CDKL4: variants seen among roughly 807,000 people sequenced by gnomAD.
The protein encoded by CDKL4 is cyclin-dependent kinase-like 4.
CDKL4 carries 44 observed loss-of-function variants against 42.0 expected under a neutral mutation model. The observed-to-expected ratio is 1.05, with a 90% CI of 0.82 to 1.35. The LOEUF (loss-of-function observed/expected upper bound fraction) is 1.35. CDKL4 is among the 40% of genes most tolerant of loss of function. The pLI, the probability that CDKL4 is intolerant of heterozygous loss-of-function variation, is 0.00. For missense variants in CDKL4, 393 were observed against 369.9 expected (o/e 1.06, Z -0.51); for synonymous variants, 120 against 121.6 (o/e 0.99, Z 0.09).
intron 4 of CDKL4, among the ~76,000 whole-genome samples, chr2:39,209,008 T>C (rs1441485179): frequency 1.3e-5 from 2 of 151,778 alleles, no homozygotes; most frequent in Non-Finnish European, 2.9e-5. Context: ...ATCTCAGAAG[T>C]CATTTTTGCC....
intron 1 of CDKL4, among the ~76,000 whole-genome samples, chr2:39,231,655 G>GTAT (rs1253415925): frequency 2.0e-5 from 3 of 148,778 alleles, no homozygotes; most frequent in Non-Finnish European, 2.9e-5. Flanking sequence ...TTTTACCTAT[G>GTAT]TATTATTATT....
intron 3 of CDKL4, among the ~76,000 whole-genome samples, chr2:39,213,774 T>G (rs532153666): frequency 1.3e-4 from 19 of 151,632 alleles, no homozygotes; most frequent in Admixed American, 7.2e-4. Flanking sequence ...AAAAGAAAAG[T>G]AAAGGAATAA....
At chr2:39,185,062 A>G (rs1026535711) in intron 7 of CDKL4, among the ~76,000 whole-genome samples, 2 of 148,962 alleles carry the variant, frequency 1.3e-5, no homozygotes, top group African/African-American at 4.9e-5. Context: ...AGTAATAACA[A>G]CACTTTAAAG....
intron 1 of CDKL4, among the ~76,000 whole-genome samples, chr2:39,238,038 C>A (rs905030284): frequency 6.6e-6 from 1 of 152,108 alleles, no homozygotes; most frequent in African/African-American, 2.4e-5. Context: ...TTACAAAATA[C>A]CATTGAAAGA....
In CDKL4 at chr2:39,212,090, A is replaced by T. The variant is rs547819965; in HGVS notation, c.363+1310T>A. Among the ~76,000 whole-genome samples, 4 of 152,314 alleles carry T rather than the reference A, an allele frequency of 2.6e-5. No individual in the cohort carries two copies. The South Asian group carries it at 8.3e-4, about 32-fold the overall frequency. On this transcript the variant is annotated intron_variant, in intron 4 of 9. Coordinates refer to ENST00000451199, the Ensembl canonical transcript of CDKL4. ...CAGTAGCATCTGGGAAAATATGAGA[A>T]ATGCACATTCTTGGGGCCCTACCCA... is the stretch of plus-strand genomic sequence containing the variant.
downstream of CDKL4, among the ~76,000 whole-genome samples, chr2:39,171,693 A>C (rs1675003372): frequency 6.6e-6 from 1 of 152,210 alleles, no homozygotes; most frequent in African/African-American, 2.4e-5. Flanking sequence ...AAAAGCAAAC[A>C]CACTAAAAAA....
Position 39,178,958 on chromosome 2 carries a change from C to T in CDKL4, c.927+229G>A, listed in dbSNP as rs909983204. On this transcript the variant is annotated intron_variant, in intron 9 of 9. Coordinates refer to ENST00000451199, the Ensembl canonical transcript of CDKL4. ...TCAGAGCAGCCAAAGAGTTGCGTAACGATTTGATTCAGGTGTGTTTGGAAT... is the reference window on the plus strand; with the variant it reads ...TCAGAGCAGCCAAAGAGTTGCGTAATGATTTGATTCAGGTGTGTTTGGAAT... 58 of 1,440,338 alleles carry T rather than the reference C, an allele frequency of 4.0e-5. No homozygotes were observed. In the South Asian group the frequency reaches 7.7e-4, roughly 19 times the overall value. The allele number at this position is 1,440,338 out of a possible 1,614,324, so 89.2% of individuals were successfully genotyped here. A position where few individuals can be genotyped will look rare whatever the true frequency, so the allele number is the denominator to read the frequency against.
At chr2:39,191,278 C>T (rs1227054670) in intron 5 of CDKL4, among the ~76,000 whole-genome samples, 1 of 152,040 alleles carries the variant, frequency 6.6e-6, no homozygotes, top group Non-Finnish European at 1.5e-5. Context: ...ACATGCTTGT[C>T]GTCCTAGCTA....
chr2:39,213,314 C>T (rs1677697383), intron 4 of CDKL4, 86 bp downstream of exon 4: 1 of 892,008 alleles, frequency 1.1e-6, no homozygotes, highest in Non-Finnish European at 1.8e-6. Context: ...CCTTTGTCTT[C>T]AGCTCTCCAA....
At chr2:39,179,247 A>G (rs969483121) in exon 9 of CDKL4, 36 of 1,613,674 alleles carry the variant, frequency 2.2e-5, no homozygotes, top group Non-Finnish European at 3.1e-5. Context: ...GGGCCTCTTG[A>G]AAAGAATCAA....
In CDKL4 at chr2:39,208,917, G is replaced by C. The variant is rs187099891; in HGVS notation, c.364-4300C>G. Among the ~76,000 whole-genome samples, 18 of 152,040 alleles carry C rather than the reference G, an allele frequency of 1.2e-4. No individual in the cohort carries two copies. The East Asian group carries it at 3.1e-3, about 26-fold the overall frequency. Reference sequence around the variant, plus strand: ...CATGGATGCTCACACATCGAGGAGAGAGAAAAGCAACCCTCTCCTCAACAA... The same window carrying C: ...CATGGATGCTCACACATCGAGGAGACAGAAAAGCAACCCTCTCCTCAACAA... On this transcript the variant is annotated intron_variant, in intron 4 of 9. Transcript: ENST00000451199.
intron 5 of CDKL4, among the ~76,000 whole-genome samples, chr2:39,193,203 C>T (rs949898089): frequency 7.8e-5 from 11 of 141,560 alleles, no homozygotes; most frequent in African/African-American, 1.3e-4. Flanking sequence ...GGAGGCTGAA[C>T]GGGGTGGATC....
intron 5 of CDKL4, among the ~76,000 whole-genome samples, chr2:39,200,261 C>T (rs909850426): frequency 1.3e-5 from 2 of 151,980 alleles, no homozygotes; most frequent in African/African-American, 2.4e-5. Context: ...AAATAAAATA[C>T]TTAGGAATAT....
rs545639000 is a variant in CDKL4 at position 39,190,291 on chromosome 2, A to C, written c.652+14T>G. 1 of 1,603,618 alleles carries C rather than the reference A, an allele frequency of 6.2e-7. No homozygotes were observed. Among genetic ancestry groups the C allele is most frequent in the Non-Finnish European group, 8.5e-7 (1 of 1,171,026 alleles). ...CAATTCAGCAACTCTGTTGCCATAA[A>C]ATGCAATTCATACCTAGTGTTCTGA... is the stretch of plus-strand genomic sequence containing the variant. On this transcript the variant is annotated intron_variant, in intron 6 of 9. Coordinates refer to ENST00000451199, the Ensembl canonical transcript of CDKL4.
At chr2:39,177,678 T>TTTTA (rs1316713112) in intron 9 of CDKL4, among the ~76,000 whole-genome samples, 1 of 148,500 alleles carries the variant, frequency 6.7e-6, no homozygotes, top group African/African-American at 2.5e-5. Context: ...GCTGGGATGT[T>TTTTA]TTTATTTATT....
intron 6 of CDKL4, among the ~76,000 whole-genome samples, chr2:39,187,972 G>C (rs1241117136): frequency 6.6e-6 from 1 of 152,098 alleles, no homozygotes; most frequent in Non-Finnish European, 1.5e-5. Context: ...GGAGGCTGAG[G>C]CAGGAGAATC....
At chr2:39,173,189 C>G (rs1675046383), downstream of CDKL4, among the ~76,000 whole-genome samples, 1 of 151,882 alleles carries the variant, frequency 6.6e-6, no homozygotes, top group Non-Finnish European at 1.5e-5. Flanking sequence ...TATGGATATG[C>G]ATAAATATAT....
intron 3 of CDKL4, among the ~76,000 whole-genome samples, chr2:39,222,192 C>A (rs1212402166): frequency 1.3e-5 from 2 of 152,114 alleles, no homozygotes; most frequent in Non-Finnish European, 2.9e-5. Flanking sequence ...AGTACCACAA[C>A]AGGGATGAAA....
At chr2:39,226,024 C>G (rs1256113948) in intron 2 of CDKL4, 64 bp from the exon 3 acceptor site, 2 of 1,439,444 alleles carry the variant, frequency 1.4e-6, no homozygotes, top group African/African-American at 2.9e-5. Flanking sequence ...TACCCAGACC[C>G]CTTAAAGAAA....
Sources: allele counts gnomAD v4.1 joint callset (sites outside exome capture counted in the v4.1 genomes callset), GRCh38; gene constraint gnomAD v4.1.1; transcripts MANE v1.5; gene names NCBI Gene and HGNC (gene_info 2026-07-23, HGNC 2026-07-21).